The following RALB variants were observed in gnomAD, a reference collection of about 807,000 sequenced individuals.
RALB encodes RAS like proto-oncogene B.
RALB carries 16 observed loss-of-function variants against 21.3 expected under a neutral mutation model. That is an observed-to-expected ratio of 0.75 (90% CI 0.51 to 1.14). The LOEUF (loss-of-function observed/expected upper bound fraction) is 1.14, where lower values mean the gene tolerates loss of function less well. RALB is among the 50% of genes most tolerant of loss of function. The pLI is 0.00. For missense variants in RALB, 161 were observed against 256.2 expected (o/e 0.63, Z 2.54); for synonymous variants, 93 against 96.1 (o/e 0.97, Z 0.19).
chr2:120,252,689 A>G (rs1689081979), upstream of RALB: 7 of 793,966 alleles, frequency 8.8e-6, no homozygotes, highest in Non-Finnish European at 1.1e-5. Flanking sequence ...CTCATTGGTG[A>G]AACCTCCTCC....
chr2:120,260,132 C>A (rs1314972035), intron 1 of RALB, among the ~76,000 whole-genome samples: 1 of 152,260 alleles, frequency 6.6e-6, no homozygotes, highest in Non-Finnish European at 1.5e-5. Context: ...TCGTGCCTCT[C>A]CCTCCACACC....
intron 1 of RALB, 84 bp from the exon 2 acceptor site, chr2:120,278,534 C>A: frequency 7.9e-7 from 1 of 1,258,660 alleles, no homozygotes; most frequent in Non-Finnish European, 1.0e-6. Context: ...GTTAGTTAGG[C>A]TTTAATGGAG....
At chr2:120,284,793 C>T (rs886189532) in intron 2 of RALB, among the ~76,000 whole-genome samples, 1 of 152,148 alleles carries the variant, frequency 6.6e-6, no homozygotes, top group African/African-American at 2.4e-5. Context: ...GTTATTGCTT[C>T]CCCGTCCCAC....
chr2:120,256,987 A>G (rs1385088761), intron 1 of RALB, among the ~76,000 whole-genome samples: 1 of 152,256 alleles, frequency 6.6e-6, no homozygotes, highest in Non-Finnish European at 1.5e-5. Flanking sequence ...TTAATACTAT[A>G]TGTGAAACTT....
At chr2:120,245,248 C>T (rs554177565) in intron 1 of RALB, among the ~76,000 whole-genome samples, 1 of 152,182 alleles carries the variant, frequency 6.6e-6, no homozygotes, top group Non-Finnish European at 1.5e-5. Context: ...GGACAGGGAG[C>T]ACGGATATGG....
upstream of RALB, among the ~76,000 whole-genome samples, chr2:120,251,591 C>T (rs373818640): frequency 1.4e-3 from 216 of 152,350 alleles, no homozygotes; most frequent in African/African-American, 5.0e-3. Context: ...GTGCACTTAA[C>T]TGTTACTCCG....
At chr2:120,263,328 C>A (rs1257976031) in intron 1 of RALB, among the ~76,000 whole-genome samples, 1 of 151,422 alleles carries the variant, frequency 6.6e-6, no homozygotes, top group East Asian at 2.0e-4. Context: ...GCCACTACAC[C>A]CAGCTAATTT....
At chr2:120,259,932 G>A (rs985404993) in intron 1 of RALB, among the ~76,000 whole-genome samples, 25 of 152,324 alleles carry the variant, frequency 1.6e-4, no homozygotes, top group Non-Finnish European at 2.1e-4. Context: ...GAAATCGAGC[G>A]CAGTGCCGGT....
At chr2:120,292,251 G>A (rs1041057146) in intron 4 of RALB, among the ~76,000 whole-genome samples, 1 of 152,158 alleles carries the variant, frequency 6.6e-6, no homozygotes, top group African/African-American at 2.4e-5. Context: ...GGGTGGGGGA[G>A]TGTGTGTGGG....
intron 1 of RALB, among the ~76,000 whole-genome samples, chr2:120,256,546 G>A (rs146297953): frequency 0.012 from 1,790 of 152,176 alleles, 33 homozygotes; most frequent in African/African-American, 0.04. Flanking sequence ...TTTTACAAGC[G>A]TCTGGCATTT....
intron 1 of RALB, among the ~76,000 whole-genome samples, chr2:120,261,943 T>C (rs1301029158): frequency 6.6e-6 from 1 of 152,112 alleles, no homozygotes; most frequent in Non-Finnish European, 1.5e-5. Flanking sequence ...GTTCAGGTAA[T>C]GACCATGATA....
intron 1 of RALB, among the ~76,000 whole-genome samples, chr2:120,257,379 G>A (rs1032578520): frequency 1.3e-5 from 2 of 152,162 alleles, no homozygotes; most frequent in African/African-American, 2.4e-5. Context: ...ATAGAAGGGC[G>A]CTATTCTTTT....
chr2:120,266,483 G>A (rs1016859298), intron 1 of RALB, among the ~76,000 whole-genome samples: 1 of 152,142 alleles, frequency 6.6e-6, no homozygotes, highest in African/African-American at 2.4e-5. Context: ...TCTTGACCTC[G>A]TGATCTGCCC....
intron 1 of RALB, among the ~76,000 whole-genome samples, chr2:120,244,481 T>C (rs1688940081): frequency 6.6e-6 from 1 of 152,224 alleles, no homozygotes; most frequent in Non-Finnish European, 1.5e-5. Context: ...AGCGGGAGAC[T>C]GGCACTGTCA....
Position 120,289,773 on chromosome 2 carries a change from G to T in RALB, c.501+16G>T. 6.3e-7 allele frequency: 1 copy of T among 1,579,714 alleles called. No homozygotes were observed. The highest frequency in any genetic ancestry group is 8.6e-7 in the Non-Finnish European group (1 of 1,160,386). On this transcript the variant is annotated intron_variant, in intron 4 of 4. Coordinates refer to ENST00000272519, the MANE Select transcript of RALB (RefSeq NM_002881.3). ...CGTGGACAAGGTAGGCGTGAATTCT[G>T]TGTATTTCTCAGAAACAGACCTGAG...
upstream of RALB, among the ~76,000 whole-genome samples, chr2:120,248,441 G>T (rs1191526145): frequency 1.3e-5 from 2 of 152,110 alleles, no homozygotes; most frequent in East Asian, 3.9e-4. Context: ...CTTGCCTCTG[G>T]TTCCTCTGGG....
intron 1 of RALB, among the ~76,000 whole-genome samples, chr2:120,277,441 GAT>G (rs1199264922): frequency 7.0e-6 from 1 of 142,426 alleles, no homozygotes; most frequent in African/African-American, 2.6e-5. Flanking sequence ...CTGAGCCTGT[GAT>G]ATGAGCATGT....
At chr2:120,256,545 C>T (rs1271370655) in intron 1 of RALB, among the ~76,000 whole-genome samples, 2 of 152,090 alleles carry the variant, frequency 1.3e-5, no homozygotes, top group African/African-American at 2.4e-5. Context: ...GTTTTACAAG[C>T]GTCTGGCATT....
intron 4 of RALB, among the ~76,000 whole-genome samples, chr2:120,290,550 C>A (rs1292077332): frequency 2.0e-5 from 3 of 152,054 alleles, no homozygotes. Context: ...CCTTACTGTT[C>A]ACTGACAGAG....
Sources: gnomAD v4.1 joint callset for allele counts (sites outside exome capture counted in the v4.1 genomes callset) on GRCh38, gnomAD v4.1.1 for gene constraint, MANE v1.5 for transcripts, NCBI Gene and HGNC (gene_info 2026-07-23, HGNC 2026-07-21) for gene names.